The following OSBPL10 variants were observed in gnomAD, a reference collection of about 807,000 sequenced individuals.
The protein encoded by OSBPL10 is oxysterol binding protein like 10.
Under a neutral mutation model 81.7 loss-of-function variants are expected in OSBPL10, and 49 were observed. The observed-to-expected ratio is 0.60, with a 90% CI of 0.48 to 0.76. The LOEUF is 0.76. OSBPL10 is among the 30% of genes least tolerant of loss of function. OSBPL10 has a pLI of 0.00. For missense variants in OSBPL10, 923 were observed against 987.8 expected (o/e 0.93, Z 0.88); for synonymous variants, 419 against 383.6 (o/e 1.09, Z -1.08).
At chr3:31,763,262 C>T (rs1172106447) in intron 4 of OSBPL10, among the ~76,000 whole-genome samples, 2 of 152,160 alleles carry the variant, frequency 1.3e-5, no homozygotes, top group Non-Finnish European at 2.9e-5. Flanking sequence ...ACCTAAAATG[C>T]TGCTTTACTG....
At chr3:32,043,084 C>CCCTG (rs201352863) in intron 2 of OSBPL10, among the ~76,000 whole-genome samples, 2 of 152,104 alleles carry the variant, frequency 1.3e-5, no homozygotes, top group East Asian at 3.9e-4. Flanking sequence ...GAGGGTACTG[C>CCCTG]AGGAGACCAG....
At chr3:31,831,767 G>A (rs1412072688) in intron 3 of OSBPL10, among the ~76,000 whole-genome samples, 5 of 152,200 alleles carry the variant, frequency 3.3e-5, no homozygotes, top group Middle Eastern at 3.4e-3. Context: ...ACAGAGAAAC[G>A]AGTTTGTGGA....
intron 1 of OSBPL10, among the ~76,000 whole-genome samples, chr3:31,942,375 C>G (rs1326937660): frequency 8.2e-6 from 1 of 121,906 alleles, no homozygotes; most frequent in East Asian, 2.3e-4. Flanking sequence ...AACCCTGTCT[C>G]TACTAAAAAT....
At chr3:31,730,390 T>C (rs1023397770) in intron 6 of OSBPL10, among the ~76,000 whole-genome samples, 12 of 151,584 alleles carry the variant, frequency 7.9e-5, no homozygotes, top group Admixed American at 2.6e-4. Context: ...GAGAGCTTGG[T>C]CCACAGTCTC....
At chr3:31,721,943 A>C (rs1210201065) in intron 6 of OSBPL10, among the ~76,000 whole-genome samples, 1 of 152,184 alleles carries the variant, frequency 6.6e-6, no homozygotes, top group Admixed American at 6.6e-5. Flanking sequence ...GCAATCATTG[A>C]AAGAGTTTGG....
intron 4 of OSBPL10, among the ~76,000 whole-genome samples, chr3:31,756,074 G>C (rs185975826): frequency 7.2e-5 from 11 of 152,150 alleles, no homozygotes; most frequent in Non-Finnish European, 2.9e-5. Context: ...ACAACTTATC[G>C]TACGGGTCTG....
At chr3:31,825,173 C>T (rs979268308) in intron 4 of OSBPL10, among the ~76,000 whole-genome samples, 6 of 151,944 alleles carry the variant, frequency 3.9e-5, no homozygotes, top group African/African-American at 1.5e-4. Context: ...AGAAAGGTGA[C>T]ATGATAAAAT....
intron 4 of OSBPL10, among the ~76,000 whole-genome samples, chr3:31,808,265 G>C (rs1429032115): frequency 1.3e-5 from 2 of 152,170 alleles, no homozygotes; most frequent in African/African-American, 4.8e-5. Flanking sequence ...GCAAGCGCAG[G>C]CATTTCACAG....
At chr3:31,799,914 T>C (rs1429910739) in intron 4 of OSBPL10, among the ~76,000 whole-genome samples, 1 of 152,240 alleles carries the variant, frequency 6.6e-6, no homozygotes, top group East Asian at 1.9e-4. Flanking sequence ...TCACCAATAT[T>C]GGCCAGGCTG....
intron 1 of OSBPL10, among the ~76,000 whole-genome samples, chr3:32,061,841 G>A (rs1699755125): frequency 1.1e-5 from 1 of 92,534 alleles, no homozygotes; most frequent in African/African-American, 2.8e-5. Context: ...GTCTTACTGT[G>A]TTGAGCAGGC....
At chr3:31,827,385 C>A (rs996807008) in intron 4 of OSBPL10, among the ~76,000 whole-genome samples, 6 of 152,038 alleles carry the variant, frequency 3.9e-5, no homozygotes, top group Non-Finnish European at 7.4e-5. Context: ...GCCTGTAATC[C>A]CAGCACTTTG....
In OSBPL10 at chr3:31,740,045, C is replaced by CTT. The variant is rs33919556; in HGVS notation, c.941-6636_941-6635dup. On this transcript the variant is annotated intron_variant, in intron 5 of 11. Transcript: ENST00000396556. ...GCTCCAGAATTGGCTATGAATAATA[C>CTT]TTTTTTTTTTTTTTTTTTGAGTCAG... is the stretch of plus-strand genomic sequence containing the variant. 1.1e-3 allele frequency among the ~76,000 whole-genome samples: 153 copies of CTT among 135,884 alleles called. 1 individual carries two copies. Among genetic ancestry groups the CTT allele is most frequent in the African/African-American group, 3.8e-3 (138 of 36,578 alleles). 89.1% of individuals were successfully genotyped at this position (135,884 alleles called of 152,430 possible). A position where few individuals can be genotyped will look rare whatever the true frequency, so the allele number is the denominator to read the frequency against.
At chr3:31,677,755 T>C (rs913169212) in intron 8 of OSBPL10, among the ~76,000 whole-genome samples, 1 of 152,028 alleles carries the variant, frequency 6.6e-6, no homozygotes, top group African/African-American at 2.4e-5. Flanking sequence ...GCCTACCCTG[T>C]GGAGACACGG....
At chr3:31,788,788 T>A (rs937641048) in intron 4 of OSBPL10, among the ~76,000 whole-genome samples, 1 of 151,718 alleles carries the variant, frequency 6.6e-6, no homozygotes, top group Non-Finnish European at 1.5e-5. Context: ...TAAAAAAAAA[T>A]AATAATAAAA....
chr3:31,811,479 G>T (rs1699679466), intron 4 of OSBPL10, among the ~76,000 whole-genome samples: 1 of 152,196 alleles, frequency 6.6e-6, no homozygotes, highest in African/African-American at 2.4e-5. Flanking sequence ...AGATCACAGG[G>T]AGGGTTCTGG....
intron 1 of OSBPL10, among the ~76,000 whole-genome samples, chr3:31,961,983 C>G (rs1440511696): frequency 6.7e-6 from 1 of 149,418 alleles, no homozygotes; most frequent in Non-Finnish European, 1.5e-5. Context: ...GAGACGGAGT[C>G]TCGCTCTGTC....
intron 11 of OSBPL10, chr3:31,662,991 G>A: frequency 3.0e-6 from 3 of 985,396 alleles, no homozygotes; most frequent in Non-Finnish European, 3.6e-6. Context: ...ATCCAACCTT[G>A]AAATCTCCTT....
chr3:31,666,410 G>A (rs1700191856), intron 10 of OSBPL10, among the ~76,000 whole-genome samples: 2 of 152,246 alleles, frequency 1.3e-5, no homozygotes, highest in South Asian at 4.1e-4. Context: ...TGGCACCACT[G>A]TGAGAGCTAA....
At chr3:31,709,787 G>T (rs1696194384) in intron 6 of OSBPL10, among the ~76,000 whole-genome samples, 1 of 152,190 alleles carries the variant, frequency 6.6e-6, no homozygotes, top group Non-Finnish European at 1.5e-5. Context: ...GGAAAAGCAG[G>T]GAAAGGGCAG....
Sources: gnomAD v4.1 joint callset for allele counts (sites outside exome capture counted in the v4.1 genomes callset) on GRCh38, gnomAD v4.1.1 for gene constraint, MANE v1.5 for transcripts, NCBI Gene and HGNC (gene_info 2026-07-23, HGNC 2026-07-21) for gene names.